Variants in THSD7A observed in about 807,000 individuals in gnomAD.
THSD7A encodes thrombospondin type-1 domain-containing protein 7A.
THSD7A carries 96 observed loss-of-function variants against 231.3 expected under a neutral mutation model. The ratio of observed to expected loss-of-function variants is 0.41; its 90% confidence interval spans 0.35 to 0.49. The LOEUF is 0.49. Among genes scored for constraint, THSD7A ranks in the 20% least tolerant of loss-of-function variants. THSD7A has a pLI of 0.05. For synonymous variants in THSD7A, 940 were observed against 743.3 expected (o/e 1.26, Z -4.30); for missense variants, 2,290 against 2,070.2 (o/e 1.11, Z -2.06).
chr7:11,406,847 T>C lies in THSD7A; in HGVS notation c.4062+63A>G, dbSNP rs1380635446. 1.3e-6 allele frequency: 2 copies of C among 1,553,170 alleles called. No homozygotes were observed. Among genetic ancestry groups the C allele is most frequent in the East Asian group, 4.5e-5 (2 of 44,172 alleles). ...TTCTAACACATTATTTTTATGTTTTTCTGCAGATGAAGTCTCTGCAGATAG... is the reference window on the plus strand; with the variant it reads ...TTCTAACACATTATTTTTATGTTTTCCTGCAGATGAAGTCTCTGCAGATAG... On this transcript the variant is annotated intron_variant, in intron 21 of 27. Transcript: ENST00000423059. This position sits in a 1 kb window ranked among gnomAD's most constrained non-coding sequence, Gnocchi z 4.7.
intron 1 of THSD7A, among the ~76,000 whole-genome samples, chr7:11,639,665 C>G (rs879940929): frequency 6.8e-6 from 1 of 145,998 alleles, no homozygotes; most frequent in African/African-American, 2.5e-5. Flanking sequence ...GAGACTCCGT[C>G]TCAAAAAAAA....
At position 11,377,983 on chromosome 7, in the gene THSD7A, C is replaced by T. The variant is rs1443924919; in HGVS notation, c.4801+1087G>A. Reference sequence around the variant, plus strand: ...CTTAAACACTGAGGGAAGAGTTTCCCATGCTTACACAGATAAGTCAGCTTT... The same window carrying T: ...CTTAAACACTGAGGGAAGAGTTTCCTATGCTTACACAGATAAGTCAGCTTT... On this transcript the variant is annotated intron_variant, in intron 26 of 27. Coordinates refer to ENST00000423059, the MANE Select transcript of THSD7A (RefSeq NM_015204.3). The surrounding 1 kb of genome is among the most constrained non-coding windows in gnomAD (Gnocchi z 4.5). 6.6e-6 allele frequency: 1 copy of T among 151,948 alleles called. No homozygotes were observed. The highest frequency in any genetic ancestry group is 1.9e-4 in the East Asian group (1 of 5,174). The allele number at this position is 151,948 out of a possible 1,614,324, so 9.4% of individuals were successfully genotyped here. A position where few individuals can be genotyped will look rare whatever the true frequency, so the allele number is the denominator to read the frequency against.
intron 5 of THSD7A, 23 bp from the exon 6 acceptor site, chr7:11,541,654 A>G: frequency 6.2e-7 from 1 of 1,601,086 alleles, no homozygotes; most frequent in East Asian, 2.2e-5. Flanking sequence ...GGAAGGAAAA[A>G]TCTATTGTTA....
At chr7:11,676,278 C>T (rs1378049679) in intron 1 of THSD7A, among the ~76,000 whole-genome samples, 1 of 151,990 alleles carries the variant, frequency 6.6e-6, no homozygotes, top group East Asian at 1.9e-4. Context: ...ACAGCAGAAA[C>T]CAAAGGTAGA....
At chr7:11,670,165 A>G (rs1316212014) in intron 1 of THSD7A, among the ~76,000 whole-genome samples, 1 of 152,210 alleles carries the variant, frequency 6.6e-6, no homozygotes, top group African/African-American at 2.4e-5. Flanking sequence ...ATATGGCTGA[A>G]TAGTTCAATT....
intron 24 of THSD7A, among the ~76,000 whole-genome samples, chr7:11,380,366 T>C (rs1181671709): frequency 3.9e-5 from 6 of 152,264 alleles, no homozygotes; most frequent in South Asian, 2.1e-4. Flanking sequence ...AAGATGGAAA[T>C]AGATGTCATA....
intron 1 of THSD7A, among the ~76,000 whole-genome samples, chr7:11,660,876 T>C (rs747409710): frequency 1.3e-5 from 2 of 151,440 alleles, no homozygotes; most frequent in African/African-American, 2.4e-5. Context: ...GCTGGAGAAA[T>C]GTTTAAAAAT....
At chr7:11,605,080 G>A (rs931164175) in intron 2 of THSD7A, among the ~76,000 whole-genome samples, 8 of 151,694 alleles carry the variant, frequency 5.3e-5, no homozygotes, top group African/African-American at 9.7e-5. Flanking sequence ...TCACTGTAGT[G>A]GCATAACCTG....
chr7:11,488,742 T>C (rs6952535), intron 6 of THSD7A, among the ~76,000 whole-genome samples: 77,039 of 151,662 alleles, frequency 0.51, 19,835 homozygotes, highest in South Asian at 0.62. Flanking sequence ...ATATATTAGC[T>C]GAAAACCAAC....
chr7:11,678,349 C>A (rs532396717), intron 1 of THSD7A, among the ~76,000 whole-genome samples: 2 of 152,070 alleles, frequency 1.3e-5, no homozygotes, highest in African/African-American at 4.8e-5. Flanking sequence ...AAGATCAGAG[C>A]AGAACTGAAG....
chr7:11,767,603 T>C (rs376211672), intron 1 of THSD7A, among the ~76,000 whole-genome samples: 2 of 152,228 alleles, frequency 1.3e-5, no homozygotes, highest in African/African-American at 2.4e-5. Flanking sequence ...TTTTATTATA[T>C]AGTATTTTCA....
At chr7:11,379,877 G>T (rs2115295305) in intron 24 of THSD7A, 165 bp from the exon 25 acceptor site, 1 of 702,466 alleles carries the variant, frequency 1.4e-6, no homozygotes, top group Non-Finnish European at 2.4e-6. Flanking sequence ...ACCACCTTAT[G>T]TAGTGACTCC....
At chr7:11,654,246 G>A (rs1191655962) in intron 1 of THSD7A, among the ~76,000 whole-genome samples, 1 of 150,790 alleles carries the variant, frequency 6.6e-6, no homozygotes, top group African/African-American at 2.4e-5. Flanking sequence ...AGAAACTATG[G>A]CAAATATTTT....
intron 13 of THSD7A, among the ~76,000 whole-genome samples, chr7:11,433,262 C>T (rs1447351486): frequency 6.6e-6 from 1 of 151,954 alleles, no homozygotes; most frequent in African/African-American, 2.4e-5. Context: ...CTTCATGATT[C>T]TGAGTTGAAA....
intron 1 of THSD7A, among the ~76,000 whole-genome samples, chr7:11,784,957 C>T (rs1783743466): frequency 6.6e-6 from 1 of 152,076 alleles, no homozygotes; most frequent in Non-Finnish European, 1.5e-5. Context: ...AAACCTTGCA[C>T]TTAAAGCATC....
At chr7:11,827,492 C>T (rs1471192184) in intron 1 of THSD7A, among the ~76,000 whole-genome samples, 2 of 151,900 alleles carry the variant, frequency 1.3e-5, no homozygotes, top group African/African-American at 2.4e-5. Context: ...TATAAAATAC[C>T]GTCTTCATCT....
chr7:11,793,141 C>A (rs1784011395), intron 1 of THSD7A, among the ~76,000 whole-genome samples: 1 of 151,028 alleles, frequency 6.6e-6, no homozygotes, highest in African/African-American at 2.4e-5. Context: ...AGAAATTAAG[C>A]TGAAAAAAAT....
rs1388230898 is a variant in THSD7A, at chr7:11,481,981, T to C, written c.1824A>G (p.Gly608=). Residue 608 remains glycine (G), a splice_region_variant and synonymous_variant, in exon 7 of 28, where the codon GGA becomes GGG. Transcript: ENST00000423059. ...VQEVVCINSD[G]EEVDRQLCRD... ...TGCACAGCTGTCTGTCAACTTCTTC[T>C]CCTGGGGAAAACATGACCACCAACA... is the stretch of plus-strand genomic sequence containing the variant. The C allele has an allele frequency of 3.8e-6, 6 of 1,590,138 alleles. No individual in the cohort carries two copies. Among genetic ancestry groups the C allele is most frequent in the Non-Finnish European group, 5.1e-6 (6 of 1,166,144 alleles).
chr7:11,589,453 C>G (rs1780062778), intron 4 of THSD7A, among the ~76,000 whole-genome samples: 2 of 152,164 alleles, frequency 1.3e-5, no homozygotes, highest in Admixed American at 1.3e-4. Context: ...GCTCAAGTGC[C>G]ACTCCCTCCA....
Sources: gnomAD v4.1 joint callset for allele counts (sites outside exome capture counted in the v4.1 genomes callset) on GRCh38, gnomAD v4.1.1 for gene constraint, Gnocchi (gnomAD v3.1) non-coding constraint, MANE v1.5 for transcripts, NCBI Gene and HGNC (gene_info 2026-07-23, HGNC 2026-07-21) for gene names.